The following SHROOM3 variants were observed in gnomAD, a reference collection of about 807,000 sequenced individuals.
SHROOM3 encodes protein Shroom3.
In SHROOM3, 47 loss-of-function variants were observed where a neutral mutation model predicts 138.6. The ratio of observed to expected loss-of-function variants is 0.34; its 90% CI spans 0.27 to 0.43. SHROOM3 has a LOEUF of 0.43. Among genes scored for constraint, SHROOM3 ranks in the 20% least tolerant of loss-of-function variants. The probability of loss-of-function intolerance (pLI) is 1.00; values close to 1 mark genes in which losing one functional copy is unlikely to be tolerated. For synonymous variants in SHROOM3, 1,062 were observed against 1,063.3 expected, an observed-to-expected ratio of 1.00 and a Z score of 0.02; for missense variants, 2,491 against 2,596.5, an observed-to-expected ratio of 0.96 and a Z score of 0.88.
At chr4:76,643,971 A>C (rs1431043002) in intron 2 of SHROOM3, among the ~76,000 whole-genome samples, 1 of 151,906 alleles carries the variant, frequency 6.6e-6, no homozygotes. Context: ...CGGCCTCCAA[A>C]GTAGCTGGTA....
chr4:76,703,010 G>A (rs1719946976), intron 2 of SHROOM3, among the ~76,000 whole-genome samples: 1 of 152,104 alleles, frequency 6.6e-6, no homozygotes, highest in South Asian at 2.1e-4. Flanking sequence ...TGTTACTGGG[G>A]TATATTGTAC....
chr4:76,437,470 T>G (rs2109961588), intron 1 of SHROOM3, among the ~76,000 whole-genome samples: 1 of 152,320 alleles, frequency 6.6e-6, no homozygotes, highest in South Asian at 2.1e-4. Flanking sequence ...TCTTATGATG[T>G]TGGCTTTGTC....
chr4:76,616,728 G>A (rs913949512), intron 2 of SHROOM3, among the ~76,000 whole-genome samples: 7 of 152,192 alleles, frequency 4.6e-5, no homozygotes, highest in Admixed American at 2.0e-4. Context: ...TTTGCAAGAT[G>A]AGAAGCATCC....
At chr4:76,515,740 A>T (rs1732431261) in intron 1 of SHROOM3, among the ~76,000 whole-genome samples, 1 of 152,148 alleles carries the variant, frequency 6.6e-6, no homozygotes, top group Non-Finnish European at 1.5e-5. Context: ...TCAAGCCGAG[A>T]CTTGTCTGGG....
intron 1 of SHROOM3, among the ~76,000 whole-genome samples, chr4:76,543,439 A>G (rs1397445665): frequency 6.6e-6 from 1 of 152,158 alleles, no homozygotes; most frequent in Non-Finnish European, 1.5e-5. Context: ...GGACTAATTG[A>G]GTTTTTATTT....
At chr4:76,534,083 T>C (rs1732889117) in intron 1 of SHROOM3, among the ~76,000 whole-genome samples, 1 of 152,184 alleles carries the variant, frequency 6.6e-6, no homozygotes, top group East Asian at 1.9e-4. Flanking sequence ...AGATTATGTA[T>C]GAAAAGACCT....
At chr4:76,718,013 T>TA (rs1720424481) in intron 3 of SHROOM3, among the ~76,000 whole-genome samples, 1 of 152,196 alleles carries the variant, frequency 6.6e-6, no homozygotes, top group African/African-American at 2.4e-5. Flanking sequence ...TGCCTTTACT[T>TA]AAAATAGGAC....
At chr4:76,547,932 A>AACACACACGC (rs1553922313) in intron 1 of SHROOM3, among the ~76,000 whole-genome samples, 1 of 146,074 alleles carries the variant, frequency 6.8e-6, no homozygotes, top group Non-Finnish European at 1.5e-5. Flanking sequence ...CCTGTCTCAA[A>AACACACACGC]ACACACACAC....
intron 10 of SHROOM3, among the ~76,000 whole-genome samples, chr4:76,775,631 A>G (rs1273688043): frequency 6.6e-6 from 1 of 151,680 alleles, no homozygotes; most frequent in African/African-American, 2.4e-5. Flanking sequence ...ACTGCAAAAA[A>G]GGGAACCAGC....
At chr4:76,444,737 G>A (rs1243167435) in intron 1 of SHROOM3, among the ~76,000 whole-genome samples, 14 of 151,550 alleles carry the variant, frequency 9.2e-5, no homozygotes, top group Non-Finnish European at 1.6e-4. Flanking sequence ...TTCGTGATCC[G>A]CCTGCTTCGG....
chr4:76,597,242 C>T (rs1734409641), intron 2 of SHROOM3, among the ~76,000 whole-genome samples: 1 of 152,090 alleles, frequency 6.6e-6, no homozygotes, highest in South Asian at 2.1e-4. Flanking sequence ...TCCTTTTGGC[C>T]TGACTTAAAT....
At chr4:76,562,533 T>C (rs1006840817) in intron 2 of SHROOM3, among the ~76,000 whole-genome samples, 1 of 152,196 alleles carries the variant, frequency 6.6e-6, no homozygotes, top group African/African-American at 2.4e-5. Context: ...TCTGAAAGGA[T>C]ACAAAATTAA....
intron 1 of SHROOM3, among the ~76,000 whole-genome samples, chr4:76,453,203 A>G (rs1363667391): frequency 6.6e-6 from 1 of 152,178 alleles, no homozygotes; most frequent in South Asian, 2.1e-4. Context: ...CCCACCAGCA[A>G]TGTGCAAGGG....
chr4:76,772,199 A>G (rs1722385576), intron 10 of SHROOM3, among the ~76,000 whole-genome samples: 1 of 144,534 alleles, frequency 6.9e-6, no homozygotes, highest in Non-Finnish European at 1.5e-5. Context: ...TGGCTCCCGT[A>G]TTCATGCCAT....
intron 2 of SHROOM3, among the ~76,000 whole-genome samples, chr4:76,704,934 C>T (rs549593387): frequency 1.3e-5 from 2 of 152,298 alleles, no homozygotes; most frequent in African/African-American, 4.8e-5. Context: ...GACACGATTC[C>T]TCCATCTCAC....
At chr4:76,676,113 TG>T (rs1434700212) in intron 2 of SHROOM3, among the ~76,000 whole-genome samples, 1 of 152,156 alleles carries the variant, frequency 6.6e-6, no homozygotes, top group Non-Finnish European at 1.5e-5. Context: ...TAGATCTCGT[TG>T]GGAATACAGG....
intron 9 of SHROOM3, among the ~76,000 whole-genome samples, chr4:76,762,733 C>T (rs988851691): frequency 6.6e-6 from 1 of 152,178 alleles, no homozygotes; most frequent in Non-Finnish European, 1.5e-5. Flanking sequence ...CTTGGGCATA[C>T]AAACATGAAT....
intron 1 of SHROOM3, among the ~76,000 whole-genome samples, chr4:76,499,269 TTA>T (rs1195837756): frequency 1.3e-5 from 2 of 152,196 alleles, no homozygotes; most frequent in African/African-American, 4.8e-5. Flanking sequence ...GCAAATTATA[TTA>T]TCTCTTTGAG....
At chr4:76,449,348 T>C (rs532603938) in intron 1 of SHROOM3, among the ~76,000 whole-genome samples, 78 of 152,298 alleles carry the variant, frequency 5.1e-4, no homozygotes, top group African/African-American at 1.9e-3. Context: ...GATACATAAC[T>C]GTTTTTTTAA....
Sources: gnomAD v4.1 joint callset for allele counts (sites outside exome capture counted in the v4.1 genomes callset) on GRCh38, gnomAD v4.1.1 for gene constraint, MANE v1.5 for transcripts, NCBI Gene and HGNC (gene_info 2026-07-23, HGNC 2026-07-21) for gene names.